MEGF6: variants seen among roughly 807,000 people sequenced by gnomAD.
MEGF6 encodes the protein multiple epidermal growth factor-like domains protein 6.
MEGF6 carries 184 observed loss-of-function variants against 207.1 expected under a neutral mutation model. The observed-to-expected ratio is 0.89, with a 90% CI of 0.79 to 1.00. MEGF6 has a LOEUF of 1.00. Among genes scored for constraint, MEGF6 ranks in the 50% least tolerant of loss-of-function variants. MEGF6 has a pLI of 0.00. For missense variants in MEGF6, 2,282 were observed against 2,202.9 expected, an observed-to-expected ratio of 1.04 and a Z score of -0.72; for synonymous variants, 1,038 against 910.0, an observed-to-expected ratio of 1.14 and a Z score of -2.53.
In MEGF6 at chr1:3,571,316, G is replaced by T. The variant is rs1160969467; in HGVS notation, c.481+8509C>A. On this transcript the variant is annotated intron_variant, in intron 4 of 36. Coordinates refer to ENST00000356575, the MANE Select transcript of MEGF6 (RefSeq NM_001409.4). ...GCTTGTAGGACACGACCCCACCATG[G>T]AGGCCAGAAGCCTGTTCTTGCTCTC... is the stretch of plus-strand genomic sequence containing the variant. 2.6e-5 allele frequency among the ~76,000 whole-genome samples: 4 copies of T among 152,270 alleles called. No homozygotes were observed. The South Asian group carries it at 8.3e-4, about 32-fold the overall frequency.
At position 3,521,109 on chromosome 1, in the gene MEGF6, C is replaced by G. The variant is rs1427082596; in HGVS notation, c.604+3015G>C. Among the ~76,000 whole-genome samples the G allele has an allele frequency of 1.3e-5, 2 of 152,146 alleles. 1 individual carries two copies. Among genetic ancestry groups the G allele is most frequent in the Admixed American group, 1.3e-4 (2 of 15,290 alleles). On this transcript the variant is annotated intron_variant, in intron 5 of 36. Coordinates refer to ENST00000356575, the MANE Select transcript of MEGF6 (RefSeq NM_001409.4). The stretch of plus-strand genomic sequence containing the variant: ...CCCTGCAAAGCCCCAGGCGGGGTCA[C>G]GACACCCTCCCGGCCAGGAGGACCC...
chr1:3,496,106 G>A (rs1640594123), intron 29 of MEGF6, 88 bp from the exon 30 acceptor site: 2 of 1,424,142 alleles, frequency 1.4e-6, no homozygotes, highest in Non-Finnish European at 9.2e-7. Flanking sequence ...AGGATGGGAT[G>A]GGGTGAGGGG....
At chr1:3,620,267 C>T in the MEGF6 span, among the ~76,000 whole-genome samples, 5 of 152,342 alleles carry the variant, frequency 3.3e-5, no homozygotes, top group African/African-American at 1.2e-4. Context: ...GGAAAATTTG[C>T]AGCCTGACTA....
intron 4 of MEGF6, among the ~76,000 whole-genome samples, chr1:3,544,031 G>A (rs1399477551): frequency 1.3e-5 from 2 of 152,182 alleles, no homozygotes; most frequent in Non-Finnish European, 2.9e-5. Flanking sequence ...GCTCTATCGC[G>A]GGAGAGCCTC....
the MEGF6 span, among the ~76,000 whole-genome samples, chr1:3,617,635 A>G: frequency 6.6e-6 from 1 of 152,228 alleles, no homozygotes; most frequent in African/African-American, 2.4e-5. Context: ...AACTTAAAAC[A>G]AAATTTGAAG....
chr1:3,613,702 G>A (rs1644354731), upstream of MEGF6, among the ~76,000 whole-genome samples: 1 of 152,134 alleles, frequency 6.6e-6, no homozygotes, highest in Non-Finnish European at 1.5e-5. Flanking sequence ...AAAATGAGGG[G>A]CCCTCTGGAA....
intron 4 of MEGF6, among the ~76,000 whole-genome samples, chr1:3,542,201 G>A (rs1335730119): frequency 1.3e-5 from 2 of 152,246 alleles, no homozygotes; most frequent in Non-Finnish European, 2.9e-5. Flanking sequence ...TGGGAAGGCA[G>A]CCCTCGGGCC....
rs1332463222 is a variant in MEGF6 at position 3,496,977 on chromosome 1, G to A, written c.3613+11C>T. 6.5e-7 allele frequency: 1 copy of A among 1,548,198 alleles called. No individual in the cohort carries two copies. Among genetic ancestry groups the A allele is most frequent in the Non-Finnish European group, 8.7e-7 (1 of 1,146,700 alleles). ...CTGCCGAGTCCCTGGGTGGGCACGG[G>A]CAGCACTCACGTTGCTGGCAGCTGG... On this transcript the variant is annotated intron_variant, in intron 28 of 36. Transcript: ENST00000356575.
chr1:3,564,187 T>G (rs1051021193), intron 4 of MEGF6, among the ~76,000 whole-genome samples: 27 of 5,410 alleles, frequency 5.0e-3, no homozygotes, highest in African/African-American at 6.8e-3. Context: ...TGAGTCGGGG[T>G]GGGGGAGCTG....
intron 35 of MEGF6, among the ~76,000 whole-genome samples, chr1:3,492,086 TGGCACGCACAG>T (rs1243991516): frequency 3.3e-5 from 5 of 152,096 alleles, no homozygotes; most frequent in Admixed American, 2.6e-4. Context: ...GTGCGTGGAC[TGGCACGCACAG>T]GTGCCTGCTG....
At chr1:3,492,487 G>C in intron 35 of MEGF6, 152 bp downstream of exon 35, 1 of 1,066,126 alleles carries the variant, frequency 9.4e-7, no homozygotes, top group South Asian at 1.5e-5. Flanking sequence ...CTGGGTACCG[G>C]GTGGGGACAG....
intron 3 of MEGF6, among the ~76,000 whole-genome samples, chr1:3,593,357 G>C (rs2101835474): frequency 6.6e-6 from 1 of 152,282 alleles, no homozygotes; most frequent in South Asian, 2.1e-4. Flanking sequence ...TCGGGGCTCG[G>C]AGGGGACGGC....
intron 4 of MEGF6, among the ~76,000 whole-genome samples, chr1:3,566,386 T>A (rs1643344057): frequency 6.6e-6 from 1 of 152,184 alleles, no homozygotes; most frequent in Admixed American, 6.5e-5. Flanking sequence ...GGCATCTGCC[T>A]CCCTGAACAG....
chr1:3,533,590 A>G (rs1464354195), intron 4 of MEGF6, among the ~76,000 whole-genome samples: 1 of 152,180 alleles, frequency 6.6e-6, no homozygotes, highest in African/African-American at 2.4e-5. Context: ...AGAGGGGTGC[A>G]GGGGAAGACA....
At chr1:3,538,743 T>TGTGTGTGTGTCC (rs1340469654) in intron 4 of MEGF6, among the ~76,000 whole-genome samples, 1 of 135,454 alleles carries the variant, frequency 7.4e-6, no homozygotes, top group African/African-American at 2.7e-5. Context: ...TGTGTGTGTG[T>TGTGTGTGTGTCC]GTCCGCGCTG....
At chr1:3,559,264 A>G (rs1014074873) in intron 4 of MEGF6, among the ~76,000 whole-genome samples, 4 of 152,070 alleles carry the variant, frequency 2.6e-5, no homozygotes, top group African/African-American at 4.8e-5. Flanking sequence ...TTCCAAAACT[A>G]CTACCTTCCA....
rs754317070 is a variant in MEGF6, at chr1:3,500,649, G to A, written c.2691C>T (p.Gly897=). 1.3e-6 allele frequency: 2 copies of A among 1,562,122 alleles called. No individual in the cohort carries two copies. The highest frequency in any genetic ancestry group is 1.9e-5 in the Admixed American group (1 of 52,778). The stretch of plus-strand genomic sequence containing the variant: ...GGGACTCACGCTGCTCGCACCGCGG[G>A]CCCACGTAGCCAGCCTCACACAGAC... ...GLCLCEAGYV[G]PRCEQQCPQG... The change falls in exon 21 of 37, where the codon GGC becomes GGT. Residue 897 remains glycine, a synonymous_variant. Transcript: ENST00000356575.
At position 3,489,610 on chromosome 1, in the gene MEGF6, G is replaced by A. The variant is rs1640270633; in HGVS notation, c.*918C>T. On this transcript the variant is annotated 3_prime_UTR_variant, in exon 37 of 37. Transcript: ENST00000356575. ...CACTGCTGATGCTCAGGTAGGGGTG[G>A]GTGGGGTGAGCCCAAGGGAGTTCGG... Among the ~76,000 whole-genome samples the A allele has an allele frequency of 6.6e-6, 1 of 152,184 alleles. No individual in the cohort carries two copies. Among genetic ancestry groups the A allele is most frequent in the African/African-American group, 2.4e-5 (1 of 41,460 alleles).
chr1:3,538,745 TCC>T (rs1642411785), intron 4 of MEGF6, among the ~76,000 whole-genome samples: 50 of 126,242 alleles, frequency 4.0e-4, no homozygotes, highest in South Asian at 9.7e-4. Flanking sequence ...TGTGTGTGTG[TCC>T]GCGCTGTCTG....
Sources: allele counts gnomAD v4.1 joint callset (sites outside exome capture counted in the v4.1 genomes callset), GRCh38; gene constraint gnomAD v4.1.1; transcripts MANE v1.5; gene names NCBI Gene and HGNC (gene_info 2026-07-23, HGNC 2026-07-21).